The following SCLY variants were observed in gnomAD, a reference collection of about 807,000 sequenced individuals.
SCLY encodes the protein selenocysteine lyase.
In SCLY, 38 loss-of-function variants were observed where a neutral mutation model predicts 50.1. The ratio of observed to expected loss-of-function variants is 0.76; its 90% confidence interval spans 0.59 to 0.99. The LOEUF (loss-of-function observed/expected upper bound fraction) is 0.99. Among genes scored for constraint, SCLY ranks in the 50% least tolerant of loss-of-function variants. The pLI, the probability that SCLY is intolerant of heterozygous loss-of-function variation, is 0.00. For synonymous variants in SCLY, 243 were observed against 249.4 expected, an observed-to-expected ratio of 0.97 and a Z score of 0.24; for missense variants, 600 against 620.0, an observed-to-expected ratio of 0.97 and a Z score of 0.34.
At chr2:238,091,546 TC>T in intron 8 of SCLY, 10 of 409,946 alleles carry the variant, frequency 2.4e-5, no homozygotes, top group South Asian at 1.3e-4. Flanking sequence ...AGCTGCAGGT[TC>T]ACCATTCCCA....
chr2:238,061,451 A>G (rs2065017517), intron 1 of SCLY: 1 of 490,140 alleles, frequency 2.0e-6, no homozygotes, highest in Non-Finnish European at 3.8e-6. Flanking sequence ...TGCGAAGGGC[A>G]GGGGACTTGC....
At chr2:238,094,304 T>C (rs1189273010) in intron 9 of SCLY, 116 bp from the exon 10 acceptor site, 9 of 861,822 alleles carry the variant, frequency 1.0e-5, no homozygotes, top group South Asian at 9.5e-5. Context: ...GGGTAGATGC[T>C]GATTGAAAAG....
intron 4 of SCLY, among the ~76,000 whole-genome samples, chr2:238,075,990 GAACA>G (rs2065169004): frequency 1.3e-5 from 2 of 150,352 alleles, no homozygotes; most frequent in East Asian, 3.9e-4. Flanking sequence ...TCCAATAATG[GAACA>G]CCAGGCATAA....
chr2:238,087,307 G>T (rs2065308950), intron 7 of SCLY, among the ~76,000 whole-genome samples: 1 of 152,070 alleles, frequency 6.6e-6, no homozygotes, highest in African/African-American at 2.4e-5. Context: ...ATAACATCAG[G>T]AATGAAACAA....
intron 4 of SCLY, among the ~76,000 whole-genome samples, chr2:238,074,706 C>T (rs1451621703): frequency 1.3e-5 from 2 of 152,166 alleles, no homozygotes; most frequent in Non-Finnish European, 2.9e-5. Flanking sequence ...TGGTCTTGAA[C>T]TCCTGACCTC....
Position 238,061,072 on chromosome 2 carries a change from G to A in SCLY, c.18G>A (p.Ala6=). The A allele has an allele frequency of 7.2e-7, 1 of 1,392,844 alleles. No individual in the cohort carries two copies. The highest frequency in any genetic ancestry group is 9.2e-7 in the Non-Finnish European group (1 of 1,084,606). The allele number at this position is 1,392,844 out of a possible 1,614,324, so 86.3% of individuals were successfully genotyped here. ...GGGCGGGGATGGAGGCGGCCGTGGC[G>A]CCGGGGAGGGATGCGCCGGCACCCG... MEAAV[A]PGRDAPAPAA... The change falls in exon 1 of 12, where the codon GCG becomes GCA. Residue 6 remains alanine (A), a synonymous_variant. Coordinates refer to ENST00000254663, the MANE Select transcript of SCLY (RefSeq NM_016510.7).
At chr2:238,064,707 C>T (rs1359030487) in intron 2 of SCLY, 2 of 297,508 alleles carry the variant, frequency 6.7e-6, no homozygotes, top group Non-Finnish European at 1.3e-5. Context: ...TGTCCTGTCA[C>T]CCTTTCCCAG....
chr2:238,064,522 G>A (rs1464390450), intron 2 of SCLY, 53 bp downstream of exon 2: 22 of 1,291,616 alleles, frequency 1.7e-5, no homozygotes, highest in South Asian at 4.1e-5. Context: ...GGGATGGGGC[G>A]CTCTTAGAGA....
At chr2:238,061,644 A>G (rs1380975555) in intron 1 of SCLY, among the ~76,000 whole-genome samples, 1 of 152,144 alleles carries the variant, frequency 6.6e-6, no homozygotes, top group Non-Finnish European at 1.5e-5. Context: ...CCGGGAAGCC[A>G]GTTGGGGATC....
At chr2:238,072,537 G>A (rs2065137913) in intron 4 of SCLY, among the ~76,000 whole-genome samples, 1 of 152,118 alleles carries the variant, frequency 6.6e-6, no homozygotes, top group Non-Finnish European at 1.5e-5. Context: ...CCATGTCTTT[G>A]CTGACATTTG....
In SCLY at chr2:238,068,134, A is replaced by C. The variant is rs764460590; in HGVS notation, c.272A>C (p.Gln91Pro). ...GCGAAGATGATAGGGGGGAAACCTC[A>C]AGATATAATCTTCACTTCCGGGGGC... Reference protein sequence around the residue: ...SLAKMIGGKPQDIIFTSGGTE... With the variant: ...SLAKMIGGKPPDIIFTSGGTE... The change falls in exon 3 of 12, where the codon CAA (glutamine) becomes CCA (proline). Residue 91 changes from glutamine (Q) to proline (P), a missense_variant. Transcript: ENST00000254663. The C allele has an allele frequency of 7.4e-6, 12 of 1,611,244 alleles. No individual in the cohort carries two copies. The highest frequency in any genetic ancestry group is 1.0e-5 in the Non-Finnish European group (12 of 1,178,738).
At position 238,065,660 on chromosome 2, in the gene SCLY, T is replaced by TTTTTTA. The variant is rs71402758; in HGVS notation, c.202+1193_202+1194insTTTATT. On this transcript the variant is annotated intron_variant, in intron 2 of 11. Coordinates refer to ENST00000254663, the MANE Select transcript of SCLY (RefSeq NM_016510.7). ...GTTATTTAAACTAATAATATTTTATTTTATTATTATTATTATTATTATTAT... is the reference window on the plus strand; with the variant it reads ...GTTATTTAAACTAATAATATTTTATTTTTTTATTATTATTATTATTATTATTATTAT... 2.9e-3 allele frequency among the ~76,000 whole-genome samples: 416 copies of TTTTTTA among 143,502 alleles called. 2 individuals carry two copies. Among genetic ancestry groups the TTTTTTA allele is most frequent in the South Asian group, 5.7e-3 (26 of 4,592 alleles). The allele number at this position is 143,502 out of a possible 152,430, so 94.1% of individuals were successfully genotyped here. A position where few individuals can be genotyped will look rare whatever the true frequency, so the allele number is the denominator to read the frequency against.
chr2:238,090,765 T>C (rs1032282472), intron 7 of SCLY, among the ~76,000 whole-genome samples: 1 of 152,186 alleles, frequency 6.6e-6, no homozygotes, highest in Non-Finnish European at 1.5e-5. Flanking sequence ...GCCCATCTCC[T>C]GTGTGTGTGC....
In SCLY at chr2:238,096,789, C is replaced by G. The variant is rs367886483; in HGVS notation, c.1109-12C>G. The G allele has an allele frequency of 6.2e-7, 1 of 1,604,900 alleles. No individual in the cohort carries two copies. The highest frequency in any genetic ancestry group is 8.5e-7 in the Non-Finnish European group (1 of 1,176,268). ...GAGCCCCATCTCAGGGGCATGTGCT[C>G]TGTCTCCGCAGGCCACGTGGTGCTT... On this transcript the variant is annotated splice_polypyrimidine_tract_variant and intron_variant, in intron 10 of 11. Transcript: ENST00000254663.
At chr2:238,093,011 C>T (rs1423640743) in intron 8 of SCLY, 1 of 152,926 alleles carries the variant, frequency 6.5e-6, no homozygotes, top group East Asian at 1.9e-4. Context: ...CCCGACTGCT[C>T]TCCTCCAACC....
At chr2:238,081,512 G>A in intron 4 of SCLY, 197 bp from the exon 5 acceptor site, 4 of 639,816 alleles carry the variant, frequency 6.3e-6, no homozygotes, top group Non-Finnish European at 1.0e-5. Flanking sequence ...CCGCGTTAAA[G>A]ACACGTTCAC....
intron 11 of SCLY, 80 bp from the exon 12 acceptor site, chr2:238,098,122 G>T: frequency 3.3e-6 from 5 of 1,515,852 alleles, no homozygotes; most frequent in Non-Finnish European, 4.5e-6. Flanking sequence ...CCCCACTAGG[G>T]GAGTGGTCCA....
intron 6 of SCLY, chr2:238,082,895 C>A: frequency 2.8e-5 from 9 of 318,326 alleles, no homozygotes; most frequent in South Asian, 8.7e-5. Context: ...TGGTTCCAAC[C>A]CCTCTCTATT....
chr2:238,073,790 A>C (rs1449999300), intron 4 of SCLY: 2 of 465,210 alleles, frequency 4.3e-6, no homozygotes, highest in Admixed American at 4.7e-5. Flanking sequence ...CAGCCTACTC[A>C]ATGTGAAGAT....
Sources: gnomAD v4.1 joint callset for allele counts (sites outside exome capture counted in the v4.1 genomes callset) on GRCh38, gnomAD v4.1.1 for gene constraint, MANE v1.5 for transcripts, NCBI Gene and HGNC (gene_info 2026-07-23, HGNC 2026-07-21) for gene names.